Variants in SCN7A observed in about 807,000 individuals in gnomAD.
SCN7A encodes the protein sodium voltage-gated channel alpha subunit 7.
In SCN7A, 138 loss-of-function variants were observed where a neutral mutation model predicts 155.2. The observed-to-expected ratio is 0.89, with a 90% CI of 0.77 to 1.02. The LOEUF (loss-of-function observed/expected upper bound fraction) is 1.02. SCN7A is among the 50% of genes least tolerant of loss of function. SCN7A has a pLI of 0.00. For synonymous variants in SCN7A, 693 were observed against 649.0 expected (o/e 1.07, Z -1.03); for missense variants, 2,058 against 1,986.6 (o/e 1.04, Z -0.68).
At chr2:166,440,001 C>A (rs901331302) in intron 15 of SCN7A, among the ~76,000 whole-genome samples, 7 of 151,964 alleles carry the variant, frequency 4.6e-5, no homozygotes, top group African/African-American at 1.7e-4. Context: ...GTCTTGTATT[C>A]CTGTAAGAAT....
chr2:166,468,369 T>C (rs1370358815), intron 7 of SCN7A, among the ~76,000 whole-genome samples: 2 of 152,052 alleles, frequency 1.3e-5, no homozygotes, highest in Non-Finnish European at 2.9e-5. Flanking sequence ...CAGCAGGTTG[T>C]TGCTGTTCAT....
chr2:166,457,473 A>G (rs2105467147), intron 10 of SCN7A, among the ~76,000 whole-genome samples: 1 of 150,204 alleles, frequency 6.7e-6, no homozygotes, highest in Middle Eastern at 3.4e-3. Context: ...AGTTTAATGA[A>G]GTCAGAGAAT....
intron 16 of SCN7A, among the ~76,000 whole-genome samples, chr2:166,431,503 C>T (rs898595181): frequency 6.6e-6 from 1 of 151,996 alleles, no homozygotes; most frequent in African/African-American, 2.4e-5. Flanking sequence ...TGAAATGATT[C>T]CCTAGTGGGG....
chr2:166,415,422 A>G (rs1354093636), intron 21 of SCN7A, among the ~76,000 whole-genome samples: 1 of 151,764 alleles, frequency 6.6e-6, no homozygotes, highest in African/African-American at 2.4e-5. Context: ...ATGGGGTTTC[A>G]CCATGTTGGC....
chr2:166,432,779 A>C, intron 15 of SCN7A, 27 bp from the exon 16 acceptor site: 1 of 1,452,722 alleles, frequency 6.9e-7, no homozygotes, highest in Non-Finnish European at 9.1e-7. Context: ...AATGAGGCTA[A>C]ATGTATCTCA....
Position 166,405,585 on chromosome 2 carries a change from T to C in SCN7A, c.5044A>G (p.Ile1682Val). Reference sequence around the variant, plus strand: ...AAAAGAGGTGGTAAGTGGTATTAGATCTGGCTTTGAATAGGTGACTTTTCC... The same window carrying C: ...AAAAGAGGTGGTAAGTGGTATTAGACCTGGCTTTGAATAGGTGACTTTTCC... ...AKEKSPIQSQ[I>V] Residue 1682 changes from isoleucine to valine, a missense_variant, in exon 26 of 26, where the codon ATC (isoleucine) becomes GTC (valine). By Grantham distance (29) the Ile-to-Val change is conservative. Transcript: ENST00000643258. 6.4e-7 allele frequency: 1 copy of C among 1,571,004 alleles called. No homozygotes were observed. Among genetic ancestry groups the C allele is most frequent in the Non-Finnish European group, 8.6e-7 (1 of 1,160,830 alleles).
chr2:166,492,022 G>C (rs986293915), intron 1 of SCN7A, among the ~76,000 whole-genome samples: 1 of 151,972 alleles, frequency 6.6e-6, no homozygotes, highest in African/African-American at 2.4e-5. Flanking sequence ...GGAAAATACT[G>C]TTATTTTTAT....
chr2:166,411,283 A>G (rs2105365225), intron 23 of SCN7A, among the ~76,000 whole-genome samples: 1 of 152,162 alleles, frequency 6.6e-6, no homozygotes, highest in South Asian at 2.1e-4. Context: ...ATCTTGTGTC[A>G]TCCTGCTCTG....
chr2:166,465,761 C>T lies in SCN7A; in HGVS notation c.871+20G>A, dbSNP rs1453933582. The T allele has an allele frequency of 8.7e-6, 14 of 1,610,902 alleles. No homozygotes were observed. In the Admixed American group the frequency reaches 1.3e-4, roughly 15 times the overall value. ...AACGAAAGTTTCAATTTTTGATATA[C>T]ATGGCAAGGTGATTCTTACCTCGAA... On this transcript the variant is annotated intron_variant, in intron 8 of 25. Transcript: ENST00000643258.
rs1418815761 is a variant in SCN7A at position 166,414,267 on chromosome 2, C to CATAT, written c.3415-1147_3415-1146insATAT. On this transcript the variant is annotated intron_variant, in intron 21 of 25. Transcript: ENST00000643258. ...GTAAATATATATAGATATATATACA[C>CATAT]ACACATATATATATATATACACACA... Among the ~76,000 whole-genome samples the CATAT allele has an allele frequency of 6.0e-4, 17 of 28,354 alleles. 1 individual carries two copies. The highest frequency in any genetic ancestry group is 3.0e-3 in the African/African-American group (16 of 5,370). The allele number at this position is 28,354 out of a possible 152,430, so 18.6% of individuals were successfully genotyped here.
chr2:166,411,539 A>C (rs998951520), intron 23 of SCN7A, among the ~76,000 whole-genome samples: 2 of 152,036 alleles, frequency 1.3e-5, no homozygotes, highest in Non-Finnish European at 2.9e-5. Context: ...AGAAAAAAAA[A>C]CATATGCTGA....
At chr2:166,457,321 T>C (rs1702306043) in intron 10 of SCN7A, among the ~76,000 whole-genome samples, 2 of 152,246 alleles carry the variant, frequency 1.3e-5, no homozygotes, top group Non-Finnish European at 2.9e-5. Flanking sequence ...GTAATTTAAT[T>C]AACTTAAGGT....
At chr2:166,487,903 T>C (rs1291850784) in intron 1 of SCN7A, among the ~76,000 whole-genome samples, 1 of 152,202 alleles carries the variant, frequency 6.6e-6, no homozygotes, top group Non-Finnish European at 1.5e-5. Context: ...TTAGTTGTTT[T>C]CAAGCTATTT....
At chr2:166,463,877 G>A (rs1050003635) in intron 9 of SCN7A, among the ~76,000 whole-genome samples, 20 of 151,954 alleles carry the variant, frequency 1.3e-4, no homozygotes, top group African/African-American at 4.6e-4. Context: ...GCAACACGGC[G>A]AAAACCCATC....
intron 15 of SCN7A, chr2:166,436,585 G>A (rs541868818): frequency 3.4e-5 from 6 of 176,726 alleles, no homozygotes; most frequent in Admixed American, 1.2e-4. Flanking sequence ...ATCCAAAAAT[G>A]TGGAAGTGAC....
Position 166,412,678 on chromosome 2 carries a change from A to G in SCN7A, c.3469-11T>C. On this transcript the variant is annotated splice_polypyrimidine_tract_variant and intron_variant, in intron 22 of 25. Coordinates refer to ENST00000643258, the MANE Select transcript of SCN7A (RefSeq NM_002976.4). ...AGGCTGTATATTAACCTAGAAGTTT[A>G]AAATAAGCAAATTATTGATATTGGC... is the stretch of plus-strand genomic sequence containing the variant. 1 of 1,478,430 alleles carries G rather than the reference A, an allele frequency of 6.8e-7. No individual in the cohort carries two copies. Among genetic ancestry groups the G allele is most frequent in the Admixed American group, 3.0e-5 (1 of 32,850 alleles). 91.6% of individuals were successfully genotyped at this position (1,478,430 alleles called of 1,614,324 possible). A position where few individuals can be genotyped will look rare whatever the true frequency, so the allele number is the denominator to read the frequency against.
intron 24 of SCN7A, 132 bp from the exon 25 acceptor site, chr2:166,410,067 A>G: frequency 8.6e-7 from 1 of 1,161,784 alleles, no homozygotes; most frequent in Non-Finnish European, 1.2e-6. Flanking sequence ...TTGCCAAACT[A>G]TAACATATAG....
At chr2:166,490,368 T>A (rs1431912755) in intron 1 of SCN7A, among the ~76,000 whole-genome samples, 1 of 152,188 alleles carries the variant, frequency 6.6e-6, no homozygotes, top group Non-Finnish European at 1.5e-5. Flanking sequence ...TGTCTTTCAA[T>A]GCCTGGAATA....
intron 18 of SCN7A, 146 bp from the exon 19 acceptor site, chr2:166,423,578 G>A: frequency 8.4e-6 from 7 of 832,082 alleles, no homozygotes; most frequent in Non-Finnish European, 6.8e-6. Context: ...GGTTCACTAT[G>A]CTTGTACTTA....
Sources: gnomAD v4.1 joint callset for allele counts (sites outside exome capture counted in the v4.1 genomes callset) on GRCh38, gnomAD v4.1.1 for gene constraint, MANE v1.5 for transcripts, NCBI Gene and HGNC (gene_info 2026-07-23, HGNC 2026-07-21) for gene names.